PRPF3: variants seen among roughly 807,000 people sequenced by gnomAD.
PRPF3 encodes pre-mRNA processing factor 3, also known as U4/U6 small nuclear ribonucleoprotein Prp3.
PRPF3 carries 3 observed loss-of-function variants against 89.2 expected under a neutral mutation model. That is an observed-to-expected ratio of 0.03 (90% CI 0.02 to 0.09). The LOEUF (loss-of-function observed/expected upper bound fraction) is 0.09. Among genes scored for constraint, PRPF3 ranks in the 10% least tolerant of loss-of-function variants. PRPF3 has a pLI of 1.00. For missense variants in PRPF3, 463 were observed against 828.8 expected, an observed-to-expected ratio of 0.56 and a Z score of 5.42; for synonymous variants, 270 against 289.1, an observed-to-expected ratio of 0.93 and a Z score of 0.67.
chr1:150,344,083 T>C, intron 10 of PRPF3, 79 bp from the exon 11 acceptor site: 1 of 1,203,906 alleles, frequency 8.3e-7, no homozygotes, highest in Non-Finnish European at 1.2e-6. Flanking sequence ...ATAATATGAA[T>C]TGGTATGGAA....
chr1:150,343,612 A>C (rs766779380), intron 10 of PRPF3, among the ~76,000 whole-genome samples, 160 bp downstream of exon 10: 1 of 152,204 alleles, frequency 6.6e-6, no homozygotes, highest in Non-Finnish European at 1.5e-5. Context: ...TCATATTAAG[A>C]TAGGTCAACA....
Position 150,352,886 on chromosome 1 carries a change from A to G in PRPF3, c.1959A>G (p.Thr653=), listed in dbSNP as rs1553874722. 1 of 1,614,100 alleles carries G rather than the reference A, an allele frequency of 6.2e-7. No individual in the cohort carries two copies. Among genetic ancestry groups the G allele is most frequent in the Non-Finnish European group, 8.5e-7 (1 of 1,180,026 alleles). Residue 653 remains threonine (T), a synonymous_variant, in exon 16 of 16, where the codon ACA becomes ACG. Transcript: ENST00000324862. Reference sequence around the variant, plus strand: ...AGATGAAGTTTAAACAGTGTCCTACAGAGAACATGGCTCGTGAGCATTTCA... The same window carrying G: ...AGATGAAGTTTAAACAGTGTCCTACGGAGAACATGGCTCGTGAGCATTTCA... ...FGEMKFKQCP[T]ENMAREHFKK...
intron 14 of PRPF3, among the ~76,000 whole-genome samples, chr1:150,348,041 C>T (rs1658469581): frequency 6.6e-6 from 1 of 152,166 alleles, no homozygotes; most frequent in African/African-American, 2.4e-5. Flanking sequence ...ATCATACTCC[C>T]ATTAGTGTTC....
intron 4 of PRPF3, among the ~76,000 whole-genome samples, chr1:150,330,921 G>A (rs999468220): frequency 6.0e-5 from 9 of 151,242 alleles, no homozygotes; most frequent in African/African-American, 2.2e-4. Context: ...GTTTCACCAT[G>A]TTGGTCAGGC....
chr1:150,352,883 T>C lies in PRPF3; in HGVS notation c.1956T>C (p.Pro652=), dbSNP rs995973721. 2 of 1,614,200 alleles carry C rather than the reference T, an allele frequency of 1.2e-6. No homozygotes were observed. Among genetic ancestry groups the C allele is most frequent in the Non-Finnish European group, 1.7e-6 (2 of 1,180,042 alleles). Residue 652 remains proline, a synonymous_variant, in exon 16 of 16, where the codon CCT becomes CCC. Coordinates refer to ENST00000324862, the MANE Select transcript of PRPF3 (RefSeq NM_004698.4). ...SFGEMKFKQC[P]TENMAREHFK... is the part of the protein sequence containing the mutation. ...GAGAGATGAAGTTTAAACAGTGTCC[T>C]ACAGAGAACATGGCTCGTGAGCATT...
intron 3 of PRPF3, 43 bp downstream of exon 3, chr1:150,325,924 A>C: frequency 6.2e-7 from 1 of 1,605,012 alleles, no homozygotes; most frequent in Non-Finnish European, 8.5e-7. Context: ...GACTGTTTTG[A>C]ATGGTAACAG....
intron 14 of PRPF3, among the ~76,000 whole-genome samples, chr1:150,348,107 G>T (rs1363098286): frequency 6.6e-6 from 1 of 152,138 alleles, no homozygotes; most frequent in Non-Finnish European, 1.5e-5. Context: ...GAGAGGCCTG[G>T]TGTGATGGCT....
At position 150,353,189 on chromosome 1, in the gene PRPF3, T is replaced by C; in HGVS notation, c.*210T>C. On this transcript the variant is annotated 3_prime_UTR_variant, in exon 16 of 16. Coordinates refer to ENST00000324862, the MANE Select transcript of PRPF3 (RefSeq NM_004698.4). ...TATGTGCATATGATTAAAGAGTTAT[T>C]TTTAAACTTGGTGTGATATTTTTCA... is the stretch of plus-strand genomic sequence containing the variant. 1.7e-6 allele frequency: 1 copy of C among 604,280 alleles called. No individual in the cohort carries two copies. Among genetic ancestry groups the C allele is most frequent in the Non-Finnish European group, 3.0e-6 (1 of 338,932 alleles). The allele number at this position is 604,280 out of a possible 1,614,324, so 37.4% of individuals were successfully genotyped here. A position where few individuals can be genotyped will look rare whatever the true frequency, so the allele number is the denominator to read the frequency against.
At chr1:150,336,988 A>C (rs972620740) in intron 7 of PRPF3, among the ~76,000 whole-genome samples, 1 of 151,180 alleles carries the variant, frequency 6.6e-6, no homozygotes, top group Non-Finnish European at 1.5e-5. Context: ...TTGTATATTG[A>C]ATGACCTTTG....
chr1:150,349,440 C>T (rs587703815), intron 15 of PRPF3, among the ~76,000 whole-genome samples: 5 of 152,178 alleles, frequency 3.3e-5, no homozygotes, highest in East Asian at 1.9e-4. Flanking sequence ...TGGGGAAGTG[C>T]GTGGACAGTG....
At chr1:150,328,025 T>G in intron 3 of PRPF3, 1 of 377,070 alleles carries the variant, frequency 2.7e-6, no homozygotes, top group Non-Finnish European at 5.0e-6. Flanking sequence ...GGAACAGGGG[T>G]TGTGGAAAAG....
intron 15 of PRPF3, among the ~76,000 whole-genome samples, chr1:150,351,063 G>T (rs1354872344): frequency 6.6e-6 from 1 of 151,978 alleles, no homozygotes; most frequent in South Asian, 2.1e-4. Context: ...TCAGGAATTC[G>T]AGACTAACCT....
chr1:150,332,960 C>A lies in PRPF3; in HGVS notation c.508-19C>A. 5 of 1,601,058 alleles carry A rather than the reference C, an allele frequency of 3.1e-6. No individual in the cohort carries two copies. Among genetic ancestry groups the A allele is most frequent in the Non-Finnish European group, 4.3e-6 (5 of 1,168,458 alleles). On this transcript the variant is annotated intron_variant, in intron 5 of 15. Coordinates refer to ENST00000324862, the MANE Select transcript of PRPF3 (RefSeq NM_004698.4). ...CTGCCTGTCTTAATTCCTCTGATTT[C>A]TTTTTCTCTATCTCACAGCCAAAGA...
intron 6 of PRPF3, among the ~76,000 whole-genome samples, chr1:150,333,434 G>A: frequency 6.6e-6 from 1 of 152,124 alleles, no homozygotes; most frequent in East Asian, 1.9e-4. Context: ...AGGCGTGGTG[G>A]TGCATGCCTG....
chr1:150,327,511 A>G (rs1655862223), intron 3 of PRPF3: 1 of 950,224 alleles, frequency 1.1e-6, no homozygotes, highest in Non-Finnish European at 1.3e-6. Context: ...TCAGGTCCCC[A>G]CCCCACACAA....
rs148641179 is a variant in PRPF3, at chr1:150,350,827, G to A, written c.1905+1609G>A. 3.0e-3 allele frequency among the ~76,000 whole-genome samples: 452 copies of A among 152,184 alleles called. 1 individual carries two copies. Among genetic ancestry groups the A allele is most frequent in the Admixed American group, 7.1e-3 (108 of 15,274 alleles). On this transcript the variant is annotated intron_variant, in intron 15 of 15. Coordinates refer to ENST00000324862, the MANE Select transcript of PRPF3 (RefSeq NM_004698.4). ...AATACAAAAATTAGCCTGGCCTGGTGGCGTCTGCCTGTAGTCCCAGCTACT... is the reference window on the plus strand; with the variant it reads ...AATACAAAAATTAGCCTGGCCTGGTAGCGTCTGCCTGTAGTCCCAGCTACT...
rs1467846345 is a variant in PRPF3, at chr1:150,338,495, G to GTATTTTTTTTTTTTTTTT, written c.1202+170_1202+171insATTTTTTTTTTTTTTTTT. Among the ~76,000 whole-genome samples the GTATTTTTTTTTTTTTTTT allele has an allele frequency of 1.1e-4, 4 of 35,760 alleles. 2 individuals are homozygous for GTATTTTTTTTTTTTTTTT. The highest frequency in any genetic ancestry group is 1.2e-4 in the Non-Finnish European group (2 of 17,264). The allele number at this position is 35,760 out of a possible 152,430, so 23.5% of individuals were successfully genotyped here. On this transcript the variant is annotated intron_variant, in intron 8 of 15. Transcript: ENST00000324862. ...GATAAGTAACTGTACACAAGGTCCTGTTATTTTTTTTTTTTTTTTTTTTGA... is the reference window on the plus strand; with the variant it reads ...GATAAGTAACTGTACACAAGGTCCTGTATTTTTTTTTTTTTTTTTTATTTTTTTTTTTTTTTTTTTTGA...
At chr1:150,334,903 C>A in intron 6 of PRPF3, 32 bp from the exon 7 acceptor site, 1 of 1,612,026 alleles carries the variant, frequency 6.2e-7, no homozygotes, top group Non-Finnish European at 8.5e-7. Flanking sequence ...ATGTTCCATA[C>A]AGGATTTATT....
At chr1:150,341,105 C>CAAAAAAAAAA (rs71086503) in intron 9 of PRPF3, among the ~76,000 whole-genome samples, 2 of 86,736 alleles carry the variant, frequency 2.3e-5, no homozygotes, top group African/African-American at 4.3e-5. Context: ...GACCTTGTCT[C>CAAAAAAAAAA]AAAAAAAAAA....
Sources: gnomAD v4.1 joint callset for allele counts (sites outside exome capture counted in the v4.1 genomes callset) on GRCh38, gnomAD v4.1.1 for gene constraint, MANE v1.5 for transcripts, NCBI Gene and HGNC (gene_info 2026-07-23, HGNC 2026-07-21) for gene names.